The following PDE1C variants were observed in gnomAD, a reference collection of about 807,000 sequenced individuals.
PDE1C encodes phosphodiesterase 1C, also known as dual specificity calcium/calmodulin-dependent 3',5'-cyclic nucleotide phosphodiesterase 1C.
PDE1C carries 62 observed loss-of-function variants against 93.1 expected under a neutral mutation model. The observed-to-expected ratio is 0.67, with a 90% CI of 0.54 to 0.82. PDE1C has a LOEUF of 0.82. PDE1C is among the 40% of genes least tolerant of loss of function. The pLI, the probability that PDE1C is intolerant of heterozygous loss-of-function variation, is 0.00. For synonymous variants in PDE1C, 325 were observed against 310.1 expected (o/e 1.05, Z -0.50); for missense variants, 742 against 884.6 (o/e 0.84, Z 2.04).
chr7:32,230,756 A>C (rs1807638696), intron 1 of PDE1C, among the ~76,000 whole-genome samples: 1 of 152,130 alleles, frequency 6.6e-6, no homozygotes, highest in South Asian at 2.1e-4. Flanking sequence ...TAGAAGACCC[A>C]GGATGCTGGC....
intron 2 of PDE1C, among the ~76,000 whole-genome samples, chr7:31,943,828 A>G (rs866698682): frequency 1.3e-5 from 2 of 152,148 alleles, no homozygotes; most frequent in Admixed American, 6.5e-5. Flanking sequence ...ATCCCCACCA[A>G]TGAAAAAACG....
intron 3 of PDE1C, among the ~76,000 whole-genome samples, chr7:32,098,943 T>C (rs1375457239): frequency 6.6e-6 from 1 of 152,176 alleles, no homozygotes; most frequent in Non-Finnish European, 1.5e-5. Context: ...TGGATAGAGG[T>C]GATGGTTGCA....
intron 1 of PDE1C, among the ~76,000 whole-genome samples, chr7:32,062,218 G>C (rs902819003): frequency 1.3e-5 from 2 of 152,162 alleles, no homozygotes; most frequent in African/African-American, 2.4e-5. Context: ...AAAACCCTGC[G>C]AGTTGACCTT....
chr7:32,088,588 C>T (rs1191304295), intron 3 of PDE1C, among the ~76,000 whole-genome samples: 1 of 152,384 alleles, frequency 6.6e-6, no homozygotes, highest in Middle Eastern at 3.4e-3. Flanking sequence ...CATCAGACGA[C>T]GCTTTGCTGG....
At chr7:31,631,433 T>C in the PDE1C span, among the ~76,000 whole-genome samples, 3 of 152,216 alleles carry the variant, frequency 2.0e-5, no homozygotes, top group Admixed American at 6.5e-5. Flanking sequence ...CCTAAATACA[T>C]AGAAAGATTT....
At chr7:31,940,327 T>C (rs1805647977) in intron 2 of PDE1C, among the ~76,000 whole-genome samples, 1 of 152,184 alleles carries the variant, frequency 6.6e-6, no homozygotes, top group South Asian at 2.1e-4. Context: ...CAGGCTTAGC[T>C]GTCTGAGATG....
chr7:32,220,995 G>A (rs915077087), intron 1 of PDE1C, among the ~76,000 whole-genome samples: 7 of 152,114 alleles, frequency 4.6e-5, no homozygotes, highest in South Asian at 2.1e-4. Context: ...GCTCTTCTTC[G>A]TAATGATGCC....
the PDE1C span, among the ~76,000 whole-genome samples, chr7:31,737,205 C>T: frequency 6.6e-6 from 1 of 151,974 alleles, no homozygotes. Context: ...CCTTGAACTC[C>T]TGGCCTCAAA....
At chr7:31,718,634 G>T in the PDE1C span, among the ~76,000 whole-genome samples, 1 of 152,148 alleles carries the variant, frequency 6.6e-6, no homozygotes, top group Non-Finnish European at 1.5e-5. Context: ...GGCACATGGG[G>T]CCCCCATTCA....
chr7:32,186,417 A>G (rs993722654), intron 2 of PDE1C, among the ~76,000 whole-genome samples: 1 of 151,706 alleles, frequency 6.6e-6, no homozygotes, highest in Non-Finnish European at 1.5e-5. Context: ...TTGTTTTTTA[A>G]ATCAGAGAAT....
At chr7:31,757,372 T>A (rs1161484335) in intron 17 of PDE1C, among the ~76,000 whole-genome samples, 2 of 152,350 alleles carry the variant, frequency 1.3e-5, no homozygotes, top group East Asian at 3.9e-4. Context: ...GTTCTAGTCA[T>A]GTAACTTTTA....
the PDE1C span, among the ~76,000 whole-genome samples, chr7:31,668,195 G>A: frequency 6.6e-6 from 1 of 152,146 alleles, no homozygotes; most frequent in Non-Finnish European, 1.5e-5. Context: ...TGAGGGTGTA[G>A]CAAAATTGGA....
At chr7:31,736,631 G>A in the PDE1C span, among the ~76,000 whole-genome samples, 1 of 152,116 alleles carries the variant, frequency 6.6e-6, no homozygotes, top group South Asian at 2.1e-4. Flanking sequence ...TTTAACACTT[G>A]GGAAACACTG....
chr7:31,931,036 A>C (rs540844706), intron 2 of PDE1C, among the ~76,000 whole-genome samples: 28 of 152,230 alleles, frequency 1.8e-4, no homozygotes, highest in African/African-American at 6.7e-4. Context: ...AAAATTCAAC[A>C]TCCCTTCATG....
chr7:31,661,239 A>T, the PDE1C span, among the ~76,000 whole-genome samples: 34 of 152,166 alleles, frequency 2.2e-4, no homozygotes, highest in African/African-American at 4.6e-4. Context: ...TATATATATA[A>T]AACAATGTCA....
At chr7:32,070,145 G>C (rs2128725885) in intron 1 of PDE1C, 148 bp downstream of exon 1, 7 of 1,355,700 alleles carry the variant, frequency 5.2e-6, no homozygotes, top group Non-Finnish European at 7.0e-6. Context: ...AGCAGTGACT[G>C]TAATTAACAG....
At chr7:32,155,712 A>G (rs966022910) in intron 3 of PDE1C, among the ~76,000 whole-genome samples, 1 of 152,176 alleles carries the variant, frequency 6.6e-6, no homozygotes, top group African/African-American at 2.4e-5. Context: ...TGCCTCCTGG[A>G]CTCCTCACAG....
intron 3 of PDE1C, among the ~76,000 whole-genome samples, chr7:32,105,163 A>G (rs918583086): frequency 1.3e-5 from 2 of 152,212 alleles, no homozygotes; most frequent in Admixed American, 6.5e-5. Flanking sequence ...GCTAATGGTG[A>G]TGGAAGAAAC....
At chr7:32,279,408 G>A (rs922424600) in intron 1 of PDE1C, among the ~76,000 whole-genome samples, 1 of 152,106 alleles carries the variant, frequency 6.6e-6, no homozygotes, top group Admixed American at 6.6e-5. Context: ...TTGCACAGTA[G>A]GGTGATTGTG....
Sources: allele counts gnomAD v4.1 joint callset (sites outside exome capture counted in the v4.1 genomes callset), GRCh38; gene constraint gnomAD v4.1.1; transcripts MANE v1.5; gene names NCBI Gene and HGNC (gene_info 2026-07-23, HGNC 2026-07-21).